Variants in SPEF2 observed in about 807,000 individuals in gnomAD.
SPEF2 encodes sperm flagellar and cilia associated 2.
SPEF2 carries 187 observed loss-of-function variants against 224.6 expected under a neutral mutation model. The observed-to-expected ratio is 0.83, with a 90% CI of 0.74 to 0.94. The LOEUF (loss-of-function observed/expected upper bound fraction) is 0.94, where lower values mean the gene tolerates loss of function less well. Among genes scored for constraint, SPEF2 ranks in the 40% least tolerant of loss-of-function variants. The pLI is 0.00. For synonymous variants in SPEF2, 715 were observed against 707.3 expected, an observed-to-expected ratio of 1.01 and a Z score of -0.17; for missense variants, 2,170 against 2,135.6, an observed-to-expected ratio of 1.02 and a Z score of -0.32.
At chr5:35,800,200 AG>A in intron 34 of SPEF2, 53 bp downstream of exon 34, 2 of 1,578,052 alleles carry the variant, frequency 1.3e-6, no homozygotes, top group Non-Finnish European at 1.7e-6. Context: ...GGATGCCTGA[AG>A]ATCCTAAACT....
intron 29 of SPEF2, among the ~76,000 whole-genome samples, chr5:35,777,080 T>G (rs1187346406): frequency 1.3e-5 from 2 of 152,194 alleles, no homozygotes; most frequent in Non-Finnish European, 2.9e-5. Flanking sequence ...CCAGGCTATT[T>G]CAGAAGTTTA....
intron 20 of SPEF2, among the ~76,000 whole-genome samples, chr5:35,717,658 T>A (rs981762878): frequency 1.3e-5 from 2 of 152,022 alleles, no homozygotes; most frequent in Admixed American, 6.6e-5. Flanking sequence ...GTCCCTCTAC[T>A]AGAGCCCTTC....
At chr5:35,744,838 G>A (rs1050649504) in intron 23 of SPEF2, among the ~76,000 whole-genome samples, 1 of 152,146 alleles carries the variant, frequency 6.6e-6, no homozygotes, top group African/African-American at 2.4e-5. Flanking sequence ...AGAGCAGTGT[G>A]TGGAGGCTTG....
chr5:35,779,340 C>A lies in SPEF2; in HGVS notation c.4441C>A (p.Pro1481Thr). The change falls in exon 30 of 37, where the codon CCT (proline) becomes ACT (threonine). Residue 1481 changes from proline to threonine, a missense_variant. Transcript: ENST00000356031. ...TCGAGATCAGTTCTTAGATATGGCACCTAAAGGTAGGAAAAATAATTATCA... is the reference window on the plus strand; with the variant it reads ...TCGAGATCAGTTCTTAGATATGGCAACTAAAGGTAGGAAAAATAATTATCA... The part of the protein sequence containing the change: ...SLRDQFLDMA[P>T]KGIIGNKAFT... The A allele has an allele frequency of 6.3e-7, 1 of 1,591,470 alleles. No homozygotes were observed. Among genetic ancestry groups the A allele is most frequent in the Non-Finnish European group, 8.5e-7 (1 of 1,171,482 alleles).
At chr5:35,714,250 A>G (rs1742034965) in intron 20 of SPEF2, among the ~76,000 whole-genome samples, 1 of 151,166 alleles carries the variant, frequency 6.6e-6, no homozygotes. Flanking sequence ...GAATTTTTCA[A>G]CCATCAAAGA....
At chr5:35,715,185 G>A (rs1008966492) in intron 20 of SPEF2, among the ~76,000 whole-genome samples, 1 of 152,014 alleles carries the variant, frequency 6.6e-6, no homozygotes, top group Non-Finnish European at 1.5e-5. Flanking sequence ...CCAAAGTGCT[G>A]GGATTACAGG....
intron 21 of SPEF2, 88 bp from the exon 22 acceptor site, chr5:35,739,831 C>T: frequency 6.6e-7 from 1 of 1,504,792 alleles, no homozygotes. Context: ...GCATCTTGAC[C>T]TTTTTGCTTG....
At chr5:35,721,364 A>AT (rs1202854321) in intron 20 of SPEF2, among the ~76,000 whole-genome samples, 1 of 152,166 alleles carries the variant, frequency 6.6e-6, no homozygotes, top group African/African-American at 2.4e-5. Flanking sequence ...ACTCCTATCA[A>AT]TTTTAACTTT....
At chr5:35,676,466 C>T (rs1283628361) in intron 10 of SPEF2, among the ~76,000 whole-genome samples, 1 of 152,178 alleles carries the variant, frequency 6.6e-6, no homozygotes, top group Admixed American at 6.5e-5. Flanking sequence ...CGGGGGCTCA[C>T]ACCTGTAATC....
chr5:35,745,582 C>T (rs1397502227), intron 23 of SPEF2, among the ~76,000 whole-genome samples: 2 of 151,650 alleles, frequency 1.3e-5, no homozygotes, highest in Admixed American at 6.6e-5. Context: ...CTACATGACT[C>T]AGCAGAGGCA....
chr5:35,760,549 GA>G (rs1338964714), intron 25 of SPEF2, among the ~76,000 whole-genome samples: 2 of 152,150 alleles, frequency 1.3e-5, no homozygotes, highest in Non-Finnish European at 2.9e-5. Context: ...GAGAGTGACT[GA>G]AAGACCTATT....
At chr5:35,663,841 G>T (rs1750059305) in intron 8 of SPEF2, among the ~76,000 whole-genome samples, 1 of 152,162 alleles carries the variant, frequency 6.6e-6, no homozygotes, top group Non-Finnish European at 1.5e-5. Flanking sequence ...GTCATCAGGT[G>T]CAAGCCCAGT....
intron 10 of SPEF2, among the ~76,000 whole-genome samples, chr5:35,684,679 A>T (rs1580264794): frequency 6.6e-6 from 1 of 152,226 alleles, no homozygotes; most frequent in African/African-American, 2.4e-5. Context: ...GGTGAAATAC[A>T]TATTGTTATT....
intron 11 of SPEF2, among the ~76,000 whole-genome samples, chr5:35,692,289 T>C (rs375413691): frequency 4.1e-4 from 62 of 152,178 alleles, no homozygotes; most frequent in East Asian, 2.7e-3. Context: ...CATGCACCTG[T>C]AATCCCAGCT....
chr5:35,641,794 A>C, intron 3 of SPEF2, 111 bp downstream of exon 3: 1 of 1,165,822 alleles, frequency 8.6e-7, no homozygotes. Flanking sequence ...TATATCCTTT[A>C]TGTATGTTAC....
chr5:35,679,386 T>C (rs1396035312), intron 10 of SPEF2, among the ~76,000 whole-genome samples: 1 of 152,012 alleles, frequency 6.6e-6, no homozygotes, highest in African/African-American at 2.4e-5. Flanking sequence ...AAAACTGAGA[T>C]TGGGTGAGGA....
At chr5:35,637,971 T>C (rs1275386201) in intron 2 of SPEF2, among the ~76,000 whole-genome samples, 1 of 152,224 alleles carries the variant, frequency 6.6e-6, no homozygotes, top group East Asian at 1.9e-4. Flanking sequence ...CCTTTTGTTG[T>C]TGTTGCTGTC....
chr5:35,649,456 A>G (rs1164776750), intron 6 of SPEF2, 31 bp downstream of exon 6: 9 of 1,546,202 alleles, frequency 5.8e-6, no homozygotes, highest in Non-Finnish European at 6.2e-6. Flanking sequence ...AGAATTACAA[A>G]ACCGCATTCT....
chr5:35,714,558 G>A (rs947804630), intron 20 of SPEF2, among the ~76,000 whole-genome samples: 2 of 151,122 alleles, frequency 1.3e-5, no homozygotes, highest in South Asian at 2.1e-4. Flanking sequence ...CCTGACATTC[G>A]TATTTGGTAT....
Sources: allele counts gnomAD v4.1 joint callset (sites outside exome capture counted in the v4.1 genomes callset), GRCh38; gene constraint gnomAD v4.1.1; transcripts MANE v1.5; gene names NCBI Gene and HGNC (gene_info 2026-07-23, HGNC 2026-07-21).